Variants in POFUT3 observed in about 807,000 individuals in gnomAD.
POFUT3 encodes the protein protein O-fucosyltransferase 3, also known as GDP-fucose protein O-fucosyltransferase 3.
chr8:33,380,000 T>C, the POFUT3 span, among the ~76,000 whole-genome samples: 3 of 85,330 alleles, frequency 3.5e-5, no homozygotes, highest in African/African-American at 5.2e-5. Context: ...AGTATATATA[T>C]ATACTATATA....
At chr8:33,400,454 A>G in the POFUT3 span, among the ~76,000 whole-genome samples, 2 of 152,156 alleles carry the variant, frequency 1.3e-5, no homozygotes, top group East Asian at 3.9e-4. Flanking sequence ...ATCTGTCTTC[A>G]AAAAATAAAT....
At chr8:33,333,561 C>A in the POFUT3 span, among the ~76,000 whole-genome samples, 1 of 152,162 alleles carries the variant, frequency 6.6e-6, no homozygotes, top group East Asian at 1.9e-4. Flanking sequence ...GATGTGGCAA[C>A]AGAAGAGCTG....
At chr8:33,328,558 T>C in the POFUT3 span, among the ~76,000 whole-genome samples, 1 of 152,090 alleles carries the variant, frequency 6.6e-6, no homozygotes, top group African/African-American at 2.4e-5. Flanking sequence ...ACAGATCCCA[T>C]GGAGGGAACA....
At chr8:33,420,040 A>C in the POFUT3 span, among the ~76,000 whole-genome samples, 2 of 152,088 alleles carry the variant, frequency 1.3e-5, no homozygotes, top group Non-Finnish European at 2.9e-5. Flanking sequence ...AGGTGGGAGG[A>C]TCACCTGAAC....
the POFUT3 span, among the ~76,000 whole-genome samples, chr8:33,416,321 G>A: frequency 6.6e-6 from 1 of 152,178 alleles, no homozygotes; most frequent in Non-Finnish European, 1.5e-5. Context: ...AAATAGTATG[G>A]GCCAGGTGCA....
At chr8:33,353,240 G>C in the POFUT3 span, among the ~76,000 whole-genome samples, 2 of 152,180 alleles carry the variant, frequency 1.3e-5, no homozygotes, top group Non-Finnish European at 2.9e-5. Context: ...AGAGGGAATG[G>C]AAGCAGACAG....
At chr8:33,314,170 T>C in the POFUT3 span, among the ~76,000 whole-genome samples, 1 of 152,182 alleles carries the variant, frequency 6.6e-6, no homozygotes, top group African/African-American at 2.4e-5. Context: ...CATGTTTCTG[T>C]CCTTTTCGTC....
At chr8:33,358,811 T>C in the POFUT3 span, among the ~76,000 whole-genome samples, 8 of 151,494 alleles carry the variant, frequency 5.3e-5, no homozygotes, top group Non-Finnish European at 1.0e-4. Context: ...GAAACCAGCC[T>C]GGGCGACATG....
chr8:33,322,249 T>C, the POFUT3 span, among the ~76,000 whole-genome samples: 1 of 152,136 alleles, frequency 6.6e-6, no homozygotes, highest in African/African-American at 2.4e-5. Context: ...GCCCACTTTT[T>C]CTGCTGCAGC....
At chr8:33,448,848 C>T in the POFUT3 span, among the ~76,000 whole-genome samples, 57 of 152,018 alleles carry the variant, frequency 3.7e-4, no homozygotes, top group Non-Finnish European at 1.2e-4. Flanking sequence ...GCAGGAGAAT[C>T]GCCTGAATCT....
the POFUT3 span, among the ~76,000 whole-genome samples, chr8:33,424,222 T>C: frequency 6.6e-6 from 1 of 152,092 alleles, no homozygotes; most frequent in Non-Finnish European, 1.5e-5. Context: ...ACAATATGAT[T>C]TGGGCAAATT....
At chr8:33,428,796 C>G in the POFUT3 span, among the ~76,000 whole-genome samples, 1 of 152,190 alleles carries the variant, frequency 6.6e-6, no homozygotes, top group Non-Finnish European at 1.5e-5. Context: ...GGCTCTTCCA[C>G]CACGGGATGA....
At chr8:33,455,524 A>G in the POFUT3 span, among the ~76,000 whole-genome samples, 105,316 of 151,982 alleles carry the variant, frequency 0.69, 37,510 homozygotes, top group African/African-American at 0.86. Context: ...ACTCCATCTC[A>G]ACAAAAAAAC....
the POFUT3 span, among the ~76,000 whole-genome samples, chr8:33,325,362 C>G: frequency 6.6e-6 from 1 of 152,176 alleles, no homozygotes; most frequent in Non-Finnish European, 1.5e-5. Flanking sequence ...TTTTCCCTAA[C>G]ATATTATTAA....
At chr8:33,430,005 A>T in the POFUT3 span, among the ~76,000 whole-genome samples, 1 of 151,928 alleles carries the variant, frequency 6.6e-6, no homozygotes, top group African/African-American at 2.4e-5. Flanking sequence ...CAAAAAAAAA[A>T]AAAAAAAGAA....
the POFUT3 span, chr8:33,372,354 T>C: frequency 7.6e-7 from 1 of 1,311,132 alleles, no homozygotes; most frequent in Non-Finnish European, 9.7e-7. Flanking sequence ...AGATAACCAG[T>C]GTCCATAAGA....
At chr8:33,328,248 A>C in the POFUT3 span, among the ~76,000 whole-genome samples, 1 of 152,156 alleles carries the variant, frequency 6.6e-6, no homozygotes, top group Non-Finnish European at 1.5e-5. Context: ...AGGGTCAATA[A>C]AAGATTTTCT....
At chr8:33,468,632 G>A in the POFUT3 span, among the ~76,000 whole-genome samples, 3 of 152,180 alleles carry the variant, frequency 2.0e-5, no homozygotes, top group African/African-American at 2.4e-5. Flanking sequence ...AACTCTTCAG[G>A]CACTTTTAAG....
chr8:33,380,040 GATATATATACACTATATATATACAC>G, the POFUT3 span, among the ~76,000 whole-genome samples: 2 of 59,396 alleles, frequency 3.4e-5, no homozygotes, highest in African/African-American at 2.1e-4. Context: ...ATATATATAC[GATATATATACACTATATATATACAC>G]TATATATATA....
Sources: gnomAD v4.1 joint callset for allele counts (sites outside exome capture counted in the v4.1 genomes callset) on GRCh38, gnomAD v4.1.1 for gene constraint, MANE v1.5 for transcripts, NCBI Gene and HGNC (gene_info 2026-07-23, HGNC 2026-07-21) for gene names.